The following TTLL11 variants were observed in gnomAD, a reference collection of about 807,000 sequenced individuals.
The protein encoded by TTLL11 is tubulin tyrosine ligase like 11.
A neutral mutation model predicts 51.7 loss-of-function variants in TTLL11; 42 were observed. That is an observed-to-expected ratio of 0.81 (90% CI 0.64 to 1.05). TTLL11 has a LOEUF of 1.05. Among genes scored for constraint, TTLL11 ranks in the 50% least tolerant of loss-of-function variants. TTLL11 has a pLI of 0.00. For missense variants in TTLL11, 799 were observed against 940.4 expected (o/e 0.85, Z 1.97); for synonymous variants, 381 against 383.5 (o/e 0.99, Z 0.08).
chr9:121,987,722 T>C (rs1226356173), intron 4 of TTLL11, among the ~76,000 whole-genome samples: 2 of 152,148 alleles, frequency 1.3e-5, no homozygotes, highest in Non-Finnish European at 2.9e-5. Context: ...TCTCTCCTGA[T>C]ATTTATTCTA....
At chr9:121,987,277 T>C (rs1417723556) in intron 4 of TTLL11, among the ~76,000 whole-genome samples, 1 of 152,154 alleles carries the variant, frequency 6.6e-6, no homozygotes, top group Non-Finnish European at 1.5e-5. Flanking sequence ...CTTCATGGCT[T>C]ACAAGTATGT....
chr9:121,975,656 G>A (rs756677982), intron 4 of TTLL11, among the ~76,000 whole-genome samples: 10 of 152,178 alleles, frequency 6.6e-5, no homozygotes, highest in Non-Finnish European at 1.3e-4. Flanking sequence ...AGGTTGCAGT[G>A]AGCCAAGATG....
chr9:121,835,236 G>A (rs1042500475), intron 8 of TTLL11, among the ~76,000 whole-genome samples: 4 of 152,140 alleles, frequency 2.6e-5, no homozygotes, highest in East Asian at 1.9e-4. Context: ...ATTCCCACTC[G>A]GCATTACCAT....
chr9:121,954,676 A>ATG lies in TTLL11; in HGVS notation c.1481+19332_1481+19333insCA, dbSNP rs1554773856. Among the ~76,000 whole-genome samples the ATG allele has an allele frequency of 3.2e-3, 179 of 55,584 alleles. 1 individual carries two copies. The highest frequency in any genetic ancestry group is 6.6e-3 in the Non-Finnish European group (148 of 22,446). 36.5% of individuals were successfully genotyped at this position (55,584 alleles called of 152,430 possible). A position where few individuals can be genotyped will look rare whatever the true frequency, so the allele number is the denominator to read the frequency against. ...AGTGCAAGCACACACACACACACAGACGCACACACACACACACACACAGAC... is the reference window on the plus strand; with the variant it reads ...AGTGCAAGCACACACACACACACAGATGCGCACACACACACACACACACAGAC... On this transcript the variant is annotated intron_variant, in intron 6 of 8. Transcript: ENST00000321582.
At chr9:122,055,238 T>TAGATAGAC (rs768549609) in intron 1 of TTLL11, among the ~76,000 whole-genome samples, 2 of 145,016 alleles carry the variant, frequency 1.4e-5, no homozygotes, top group African/African-American at 2.5e-5. Flanking sequence ...GATAGATAGA[T>TAGATAGAC]AGATAAAGGG....
intron 2 of TTLL11, among the ~76,000 whole-genome samples, chr9:122,032,441 A>T (rs1190784930): frequency 1.3e-5 from 2 of 152,212 alleles, no homozygotes; most frequent in African/African-American, 4.8e-5. Context: ...TCAAGGGAAA[A>T]ATGCAATCTG....
At chr9:121,975,612 T>C in intron 4 of TTLL11, among the ~76,000 whole-genome samples, 1 of 152,154 alleles carries the variant, frequency 6.6e-6, no homozygotes, top group East Asian at 1.9e-4. Flanking sequence ...CATGGAAGGC[T>C]GAAGCAGGAT....
At chr9:121,873,277 A>C (rs1838422452) in intron 6 of TTLL11, among the ~76,000 whole-genome samples, 1 of 152,154 alleles carries the variant, frequency 6.6e-6, no homozygotes, top group Non-Finnish European at 1.5e-5. Context: ...GAGGCTTGGC[A>C]AGGTGTTGCA....
intron 1 of TTLL11, among the ~76,000 whole-genome samples, chr9:122,046,137 G>A (rs1030389468): frequency 1.3e-5 from 2 of 152,146 alleles, no homozygotes; most frequent in African/African-American, 4.8e-5. Flanking sequence ...CCCCGCCCAA[G>A]TTTCATGTCG....
In TTLL11 at chr9:122,042,189, A is replaced by G. The variant is rs141865602; in HGVS notation, c.463-2821T>C. On this transcript the variant is annotated intron_variant, in intron 1 of 8. Transcript: ENST00000321582. The stretch of plus-strand genomic sequence containing the variant: ...GCCAGCGCACCCAGCTAATTCTTGT[A>G]TTTTTAGTAGAGGCTGGGTTTTGCC... 7.9e-3 allele frequency among the ~76,000 whole-genome samples: 1,208 copies of G among 152,196 alleles called. 10 individuals carry two copies. The highest frequency in any genetic ancestry group is 0.02 in the Middle Eastern group (6 of 294).
At chr9:122,066,530 T>C (rs1845588692) in intron 1 of TTLL11, among the ~76,000 whole-genome samples, 1 of 152,210 alleles carries the variant, frequency 6.6e-6, no homozygotes, top group Admixed American at 6.5e-5. Flanking sequence ...CACCTGAGAA[T>C]TGCTGGATCC....
chr9:122,030,813 C>T (rs1053112268), intron 3 of TTLL11, among the ~76,000 whole-genome samples: 4 of 151,336 alleles, frequency 2.6e-5, no homozygotes, highest in Non-Finnish European at 4.4e-5. Flanking sequence ...TGGTGGCACC[C>T]GCCTGTAGTC....
chr9:122,093,189 G>T lies in TTLL11; in HGVS notation c.-41C>A. 6.7e-7 allele frequency: 1 copy of T among 1,485,808 alleles called. No homozygotes were observed. The highest frequency in any genetic ancestry group is 1.5e-5 in the African/African-American group (1 of 68,178). 92.0% of individuals were successfully genotyped at this position (1,485,808 alleles called of 1,614,324 possible). On this transcript the variant is annotated 5_prime_UTR_variant, in exon 1 of 9. Transcript: ENST00000321582. Reference sequence around the variant, plus strand: ...GGCCAGTGCCAGTGCCACCGCCGCCGCCGCCGCCGCTCCGCCGCCCCAGTC... The same window carrying T: ...GGCCAGTGCCAGTGCCACCGCCGCCTCCGCCGCCGCTCCGCCGCCCCAGTC...
In TTLL11 at chr9:121,853,036, C is replaced by T. The variant is rs910556806; in HGVS notation, c.1840+7301G>A. Among the ~76,000 whole-genome samples, 9 of 152,178 alleles carry T rather than the reference C, an allele frequency of 5.9e-5. No homozygotes were observed. The highest frequency in any genetic ancestry group is 2.1e-4 in the South Asian group (1 of 4,826). On this transcript the variant is annotated intron_variant, in intron 8 of 8. Coordinates refer to ENST00000321582, the MANE Select transcript of TTLL11 (RefSeq NM_001139442.2). The surrounding 1 kb of genome is among the most constrained non-coding windows in gnomAD (Gnocchi z 5.6). ...AATACTCTTCAATATTTCAGTGCAT[C>T]GTTAACCAAATACATTTCAGCTGGG...
intron 1 of TTLL11, among the ~76,000 whole-genome samples, chr9:122,074,071 G>A (rs747248776): frequency 3.3e-5 from 5 of 152,136 alleles, no homozygotes; most frequent in African/African-American, 4.8e-5. Flanking sequence ...TCAGGAGTTT[G>A]AGACCAGCTT....
At chr9:121,919,751 C>T (rs1256372293) in intron 6 of TTLL11, among the ~76,000 whole-genome samples, 1 of 149,328 alleles carries the variant, frequency 6.7e-6, no homozygotes, top group Non-Finnish European at 1.5e-5. Flanking sequence ...GCAGCTCATG[C>T]TTGTAATCCC....
intron 3 of TTLL11, among the ~76,000 whole-genome samples, chr9:121,993,039 TGTAA>T (rs1347555360): frequency 3.9e-5 from 6 of 152,026 alleles, no homozygotes; most frequent in Admixed American, 1.3e-4. Flanking sequence ...AGACAAATAC[TGTAA>T]GTAAGAATGC....
At chr9:121,865,952 A>G (rs1028031893) in intron 7 of TTLL11, among the ~76,000 whole-genome samples, 3 of 152,230 alleles carry the variant, frequency 2.0e-5, no homozygotes, top group African/African-American at 7.2e-5. Flanking sequence ...ACATTATGAG[A>G]GATGGACACT....
At chr9:121,971,481 T>C (rs1240473614) in intron 6 of TTLL11, among the ~76,000 whole-genome samples, 9 of 126,030 alleles carry the variant, frequency 7.1e-5, no homozygotes, top group African/African-American at 1.7e-4. Context: ...AGCCGCCCCG[T>C]CCGGGAGGTG....
Sources: gnomAD v4.1 joint callset for allele counts (sites outside exome capture counted in the v4.1 genomes callset) on GRCh38, gnomAD v4.1.1 for gene constraint, Gnocchi (gnomAD v3.1) non-coding constraint, MANE v1.5 for transcripts, NCBI Gene and HGNC (gene_info 2026-07-23, HGNC 2026-07-21) for gene names.